The following REV3L variants were observed in gnomAD, a reference collection of about 807,000 sequenced individuals.
The protein encoded by REV3L is REV3 like, DNA directed polymerase zeta catalytic subunit, also known as DNA polymerase zeta catalytic subunit.
REV3L carries 69 observed loss-of-function variants against 299.4 expected under a neutral mutation model. The ratio of observed to expected loss-of-function variants is 0.23; its 90% CI spans 0.19 to 0.28. The LOEUF (loss-of-function observed/expected upper bound fraction) is 0.28. Among genes scored for constraint, REV3L ranks in the 10% least tolerant of loss-of-function variants. REV3L has a pLI of 1.00. For missense variants in REV3L, 3,128 were observed against 3,693.8 expected (o/e 0.85, Z 3.97); for synonymous variants, 1,238 against 1,271.4 (o/e 0.97, Z 0.56).
intron 1 of REV3L, among the ~76,000 whole-genome samples, chr6:111,450,497 A>AAAC (rs1456874031): frequency 1.9e-4 from 28 of 150,732 alleles, no homozygotes; most frequent in African/African-American, 6.8e-4. Flanking sequence ...AAAAAAAAAA[A>AAAC]AAAAAAAAAC....
At chr6:111,476,812 A>G (rs1267027752) in intron 1 of REV3L, among the ~76,000 whole-genome samples, 1 of 152,232 alleles carries the variant, frequency 6.6e-6, no homozygotes, top group Non-Finnish European at 1.5e-5. Context: ...CAATATGATC[A>G]TCATGCAATC....
rs761329078 is a variant in REV3L at position 111,333,117 on chromosome 6, C to T, written c.7925+6G>A. On this transcript the variant is annotated splice_donor_region_variant and intron_variant, in intron 23 of 31. Transcript: ENST00000368802. ...AATATTATTGTAAATGTGAAAAAAA[C>T]CTTACTTTCCCAAGTTCTCCACATG... 1 of 1,611,898 alleles carries T rather than the reference C, an allele frequency of 6.2e-7. No homozygotes were observed. Among genetic ancestry groups the T allele is most frequent in the South Asian group, 1.1e-5 (1 of 90,998 alleles).
rs1030045106 is a variant in REV3L at position 111,333,383 on chromosome 6, G to A, written c.7681-16C>T. ...CCACACGGTACTGCAGGGAGAAAGG[G>A]AGGTGAGAAGAGAAGAAACACAGTT... On this transcript the variant is annotated splice_polypyrimidine_tract_variant and intron_variant, in intron 22 of 31. Transcript: ENST00000368802. 1 of 1,611,452 alleles carries A rather than the reference G, an allele frequency of 6.2e-7. No homozygotes were observed. Among genetic ancestry groups the A allele is most frequent in the Non-Finnish European group, 8.5e-7 (1 of 1,178,014 alleles).
At chr6:111,449,949 G>A (rs1789302519) in intron 1 of REV3L, among the ~76,000 whole-genome samples, 1 of 152,282 alleles carries the variant, frequency 6.6e-6, no homozygotes, top group African/African-American at 2.4e-5. Flanking sequence ...TATTGCAACT[G>A]TAAACTATAT....
chr6:111,447,301 A>G (rs561122651), intron 1 of REV3L, among the ~76,000 whole-genome samples: 1 of 152,172 alleles, frequency 6.6e-6, no homozygotes, highest in Non-Finnish European at 1.5e-5. Context: ...GATTATTTCA[A>G]CTCCAACTTT....
chr6:111,450,880 CTG>C (rs1450374951), intron 1 of REV3L, among the ~76,000 whole-genome samples: 5 of 152,276 alleles, frequency 3.3e-5, no homozygotes, highest in African/African-American at 4.8e-5. Flanking sequence ...ACCAACCAGT[CTG>C]TGTTATGCAG....
intron 4 of REV3L, 152 bp from the exon 5 acceptor site, chr6:111,393,124 A>T (rs200042420): frequency 1.9e-6 from 1 of 538,078 alleles, no homozygotes; most frequent in African/African-American, 1.9e-5. Context: ...TGCAAGCTCC[A>T]CCTCCCAGGT....
At position 111,319,616 on chromosome 6, in the gene REV3L, A is replaced by G. The variant is rs535619019; in HGVS notation, c.8351+2953T>C. The stretch of plus-strand genomic sequence containing the variant: ...CACAGCAGAGAGATTACAGTCAACG[A>G]TAACTTATTGTACATTTAAAAATAA... On this transcript the variant is annotated intron_variant, in intron 26 of 31. Transcript: ENST00000368802. Among the ~76,000 whole-genome samples the G allele has an allele frequency of 2.6e-5, 4 of 152,342 alleles. No homozygotes were observed. In the South Asian group the frequency reaches 8.3e-4, roughly 32 times the overall value.
chr6:111,394,447 G>A (rs1782262024), intron 4 of REV3L, among the ~76,000 whole-genome samples: 1 of 152,064 alleles, frequency 6.6e-6, no homozygotes, highest in African/African-American at 2.4e-5. Flanking sequence ...TTTTTTGAGA[G>A]GTGTCTATTC....
At chr6:111,422,617 T>TATATATATATAC (rs1562287119) in intron 1 of REV3L, among the ~76,000 whole-genome samples, 2 of 20,216 alleles carry the variant, frequency 9.9e-5, no homozygotes, top group African/African-American at 2.0e-4. Flanking sequence ...TATATACACA[T>TATATATATATAC]ATATATATAT....
Position 111,374,270 on chromosome 6 carries a change from G to A in REV3L, c.4085C>T (p.Ser1362Phe), listed in dbSNP as rs774297097. The change falls in exon 13 of 32, where the codon TCC becomes TTC. Residue 1362 changes from serine (S) to phenylalanine (F), a missense_variant. This residue lies in a region of REV3L where 2,409 missense variants were observed against 2,611.8 expected (regional missense o/e 0.92). Transcript: ENST00000368802. ...TLIQKNIFDL[S>F]NHLSQVAQNT... ...CTGTGCTACCTGAGATAAATGATTG[G>A]AAAGGTCAAATATATTTTTTTGAAT... 1 of 1,613,584 alleles carries A rather than the reference G, an allele frequency of 6.2e-7. No individual in the cohort carries two copies. Among genetic ancestry groups the A allele is most frequent in the Non-Finnish European group, 8.5e-7 (1 of 1,179,670 alleles).
intron 1 of REV3L, among the ~76,000 whole-genome samples, chr6:111,456,536 C>T (rs1790180533): frequency 6.6e-6 from 1 of 152,124 alleles, no homozygotes; most frequent in Admixed American, 6.6e-5. Context: ...CTGCCAGCTA[C>T]TGAAACATGG....
chr6:111,476,934 T>C (rs946507063), intron 1 of REV3L, among the ~76,000 whole-genome samples: 13 of 152,058 alleles, frequency 8.5e-5, no homozygotes, highest in African/African-American at 3.1e-4. Context: ...GTACATGGTT[T>C]TTTTAAATTA....
chr6:111,428,683 G>GA (rs1370296509), intron 1 of REV3L, among the ~76,000 whole-genome samples: 3 of 151,568 alleles, frequency 2.0e-5, no homozygotes, highest in African/African-American at 7.3e-5. Flanking sequence ...GGAGAAAAAA[G>GA]AAAAAAACCA....
At chr6:111,430,324 C>A in intron 1 of REV3L, 1 of 1,131,550 alleles carries the variant, frequency 8.8e-7, no homozygotes, top group Non-Finnish European at 1.3e-6. Flanking sequence ...TTTTACTGCT[C>A]CTGGCTACTC....
At chr6:111,321,926 A>G (rs891271449) in intron 26 of REV3L, among the ~76,000 whole-genome samples, 1 of 147,002 alleles carries the variant, frequency 6.8e-6, no homozygotes, top group African/African-American at 2.5e-5. Context: ...AAGATGTTAC[A>G]TAAATAACTG....
chr6:111,434,618 C>CAA (rs1280352557), intron 1 of REV3L, among the ~76,000 whole-genome samples: 727 of 78,758 alleles, frequency 9.2e-3, no homozygotes, highest in South Asian at 0.018. Context: ...GACTCCGTCT[C>CAA]AAAAAAAAAA....
chr6:111,445,212 G>A (rs937020289), intron 1 of REV3L, among the ~76,000 whole-genome samples: 6 of 152,152 alleles, frequency 3.9e-5, no homozygotes, highest in Admixed American at 6.6e-5. Flanking sequence ...GGCAACAATA[G>A]ACAGTGGGAA....
chr6:111,432,165 A>G (rs1388027462), intron 1 of REV3L, among the ~76,000 whole-genome samples: 1 of 152,236 alleles, frequency 6.6e-6, no homozygotes, highest in Non-Finnish European at 1.5e-5. Context: ...TTCTAAAACA[A>G]CAGAAAACAA....
Sources: allele counts gnomAD v4.1 joint callset (sites outside exome capture counted in the v4.1 genomes callset), GRCh38; gene constraint gnomAD v4.1.1; regional missense constraint gnomAD v4.1.1; transcripts MANE v1.5; gene names NCBI Gene and HGNC (gene_info 2026-07-23, HGNC 2026-07-21).